Variants in GAS6 observed in about 807,000 individuals in gnomAD.
The protein encoded by GAS6 is growth arrest specific 6, also known as growth arrest-specific protein 6.
In GAS6, 41 loss-of-function variants were observed where a neutral mutation model predicts 75.8. The ratio of observed to expected loss-of-function variants is 0.54; its 90% confidence interval spans 0.42 to 0.70. The LOEUF (loss-of-function observed/expected upper bound fraction) is 0.70. Ranked by LOEUF, GAS6 falls within the 30% of genes least tolerant of loss-of-function variation. GAS6 has a pLI of 0.00. For synonymous variants in GAS6, 432 were observed against 412.6 expected (o/e 1.05, Z -0.57); for missense variants, 854 against 940.2 (o/e 0.91, Z 1.20).
At chr13:113,856,185 C>A (rs2051912779) in intron 2 of GAS6, among the ~76,000 whole-genome samples, 1 of 152,236 alleles carries the variant, frequency 6.6e-6, no homozygotes, top group Non-Finnish European at 1.5e-5. Flanking sequence ...CCCGCAGCCG[C>A]CCTGTGCTTT....
At chr13:113,862,638 C>T (rs2051981506) in intron 2 of GAS6, among the ~76,000 whole-genome samples, 2 of 152,178 alleles carry the variant, frequency 1.3e-5, no homozygotes, top group Non-Finnish European at 2.9e-5. Flanking sequence ...CATCTGACAG[C>T]CTCAGAGCTT....
chr13:113,833,655 G>T, intron 8 of GAS6: 1 of 1,004,862 alleles, frequency 1.0e-6, no homozygotes, highest in Non-Finnish European at 1.2e-6. Context: ...ACAGGCACCA[G>T]TGTGACAGGT....
At chr13:113,831,361 G>A (rs987498857) in intron 10 of GAS6, among the ~76,000 whole-genome samples, 2 of 152,142 alleles carry the variant, frequency 1.3e-5, no homozygotes, top group African/African-American at 2.4e-5. Context: ...CGTCCACGCC[G>A]TCCTACAGGG....
chr13:113,854,323 C>T (rs941699610), intron 2 of GAS6, among the ~76,000 whole-genome samples: 3 of 152,270 alleles, frequency 2.0e-5, no homozygotes, highest in Non-Finnish European at 4.4e-5. Flanking sequence ...CCGAGACACA[C>T]ATCAGTGTCT....
chr13:113,833,583 A>AGTGTGACAGGTCT (rs1555305977), intron 8 of GAS6: 3 of 1,013,490 alleles, frequency 3.0e-6, no homozygotes, highest in Middle Eastern at 4.9e-4. Flanking sequence ...GTGACAGGTC[A>AGTGTGACAGGTCT]GTGTGACAGG....
rs750498523 is a variant in GAS6, at chr13:113,832,289, G to A, written c.1143+10C>T. 24 of 1,595,534 alleles carry A rather than the reference G, an allele frequency of 1.5e-5. No homozygotes were observed. The highest frequency in any genetic ancestry group is 1.3e-4 in the East Asian group (6 of 44,834). ...GTGAGGCCTGGAAGGGGTGGCTGCC[G>A]CACACTCACTGTCTGCCACATGCCA... is the stretch of plus-strand genomic sequence containing the variant. On this transcript the variant is annotated intron_variant, in intron 10 of 14. Transcript: ENST00000327773.
intron 6 of GAS6, 180 bp from the exon 7 acceptor site, chr13:113,835,815 T>A: frequency 2.1e-6 from 3 of 1,417,720 alleles, no homozygotes; most frequent in Non-Finnish European, 2.8e-6. Context: ...TCCCGGGGTG[T>A]TGGTGCACGC....
chr13:113,835,684 C>CGGGGCTGGGGCAGGCGGCTGCA lies in GAS6; in HGVS notation c.590-71_590-50dup. ...AACCGCAGCACAGCGGCATCTCAGA[C>CGGGGCTGGGGCAGGCGGCTGCA]GGGGCTGGGGCAGGCGGCTGCAGGG... On this transcript the variant is annotated intron_variant, in intron 6 of 14. Coordinates refer to ENST00000327773, the MANE Select transcript of GAS6 (RefSeq NM_000820.4). 3.8e-6 allele frequency: 6 copies of CGGGGCTGGGGCAGGCGGCTGCA among 1,599,662 alleles called. 1 individual carries two copies. In the South Asian group the frequency reaches 5.6e-5, roughly 15 times the overall value.
chr13:113,837,739 C>T lies in GAS6; in HGVS notation c.589+330G>A, dbSNP rs962933970. Among the ~76,000 whole-genome samples, 8 of 152,128 alleles carry T rather than the reference C, an allele frequency of 5.3e-5. No individual in the cohort carries two copies. The highest frequency in any genetic ancestry group is 1.9e-4 in the African/African-American group (8 of 41,418). ...GACCCTAGCCTGGAGCCCTGACCCA[C>T]AAGCTCACTACACAAGTGCCTGGAG... On this transcript the variant is annotated intron_variant, in intron 6 of 14. Coordinates refer to ENST00000327773, the MANE Select transcript of GAS6 (RefSeq NM_000820.4). This position sits in a 1 kb window ranked among gnomAD's most constrained non-coding sequence, Gnocchi z 5.1.
intron 2 of GAS6, among the ~76,000 whole-genome samples, chr13:113,860,529 T>A (rs541085648): frequency 3.6e-4 from 55 of 152,166 alleles, no homozygotes; most frequent in African/African-American, 1.3e-3. Context: ...CCTTCGAGGA[T>A]TTAGTAAAAA....
rs2051441668 is a variant in GAS6, at chr13:113,820,681, C to T, written c.*183G>A. ...GCGCCGGCCTCCCCGCGCCCGGGCC[C>T]ACGGCTGAGTGCGCGGCGTCAGAGG... On this transcript the variant is annotated 3_prime_UTR_variant, in exon 15 of 15. Transcript: ENST00000327773. 1.4e-6 allele frequency: 1 copy of T among 697,260 alleles called. No homozygotes were observed. Among genetic ancestry groups the T allele is most frequent in the South Asian group, 2.1e-5 (1 of 48,128 alleles). The allele number at this position is 697,260 out of a possible 1,614,324, so 43.2% of individuals were successfully genotyped here.
At chr13:113,835,487 C>G in intron 7 of GAS6, 26 bp downstream of exon 7, 4 of 1,609,526 alleles carry the variant, frequency 2.5e-6, no homozygotes, top group South Asian at 2.2e-5. Context: ...TCAGAGAAAG[C>G]GAGGGTGACC....
At chr13:113,843,062 G>A (rs1260754581) in intron 4 of GAS6, 1 of 388,426 alleles carries the variant, frequency 2.6e-6, no homozygotes, top group Admixed American at 4.5e-5. Flanking sequence ...CAGTCAGCCG[G>A]TGCCCAGCAA....
At chr13:113,829,901 G>C (rs147921275) in intron 10 of GAS6, among the ~76,000 whole-genome samples, 1 of 151,312 alleles carries the variant, frequency 6.6e-6, no homozygotes, top group African/African-American at 2.4e-5. Context: ...ATCCACACCT[G>C]AGCCAAGAAG....
intron 2 of GAS6, among the ~76,000 whole-genome samples, chr13:113,862,916 A>C (rs6602903): frequency 0.21 from 31,736 of 152,086 alleles, 3,487 homozygotes; most frequent in South Asian, 0.38. Context: ...TAGAGTGGCC[A>C]GGCCGTCCTC....
chr13:113,853,259 A>G (rs577473115), intron 2 of GAS6, among the ~76,000 whole-genome samples: 5 of 152,294 alleles, frequency 3.3e-5, no homozygotes, highest in African/African-American at 1.2e-4. Context: ...AAACACCTTC[A>G]TCTCTGAATA....
intron 11 of GAS6, among the ~76,000 whole-genome samples, chr13:113,827,966 G>C (rs1448348083): frequency 2.6e-5 from 4 of 152,126 alleles, no homozygotes; most frequent in Non-Finnish European, 2.9e-5. Context: ...GTCCAAAAAA[G>C]TTTACTGTTC....
rs1354497130 is a variant in GAS6 at position 113,846,579 on chromosome 13, G to A, written c.291C>T (p.Asn97=). 5 of 1,613,822 alleles carry A rather than the reference G, an allele frequency of 3.1e-6. No homozygotes were observed. Among genetic ancestry groups the A allele is most frequent in the South Asian group, 2.2e-5 (2 of 91,084 alleles). ...TTTTGGTGTACGGAGACCCATACTT[G>A]TTGATGCAGTCTGCAGGAAGAAAGG... is the stretch of plus-strand genomic sequence containing the variant. The part of the protein sequence containing the change: ...YFYPRYLDCI[N]KYGSPYTKNS... Residue 97 remains asparagine, a synonymous_variant, in exon 4 of 15, where the codon AAC becomes AAT. Transcript: ENST00000327773.
At chr13:113,833,465 T>C (rs992311905) in intron 8 of GAS6, 1 of 989,176 alleles carries the variant, frequency 1.0e-6, no homozygotes, top group Non-Finnish European at 1.2e-6. Context: ...GCTTTTTAAA[T>C]AAATGCTCAC....
Sources: allele counts gnomAD v4.1 joint callset (sites outside exome capture counted in the v4.1 genomes callset), GRCh38; gene constraint gnomAD v4.1.1; non-coding constraint Gnocchi (gnomAD v3.1); transcripts MANE v1.5; gene names NCBI Gene and HGNC (gene_info 2026-07-23, HGNC 2026-07-21).